CYB5R4: variants seen among roughly 807,000 people sequenced by gnomAD.
The protein encoded by CYB5R4 is cytochrome b5 reductase 4.
Under a neutral mutation model 70.2 loss-of-function variants are expected in CYB5R4, and 55 were observed. The observed-to-expected ratio is 0.78, with a 90% CI of 0.63 to 0.98. CYB5R4 has a LOEUF of 0.98. CYB5R4 is among the 50% of genes least tolerant of loss of function. CYB5R4 has a pLI of 0.00. For synonymous variants in CYB5R4, 197 were observed against 199.5 expected (o/e 0.99, Z 0.11); for missense variants, 562 against 612.6 (o/e 0.92, Z 0.87).
chr6:83,871,492 A>C (rs1186039703), intron 2 of CYB5R4, among the ~76,000 whole-genome samples: 1 of 151,268 alleles, frequency 6.6e-6, no homozygotes, highest in Non-Finnish European at 1.5e-5. Context: ...CTCTCTCTGT[A>C]CTTCTCTCCC....
In CYB5R4 at chr6:83,960,611, C is replaced by T. The variant is rs957517865; in HGVS notation, c.*733C>T. 2.6e-5 allele frequency: 4 copies of T among 152,102 alleles called. No individual in the cohort carries two copies. Among genetic ancestry groups the T allele is most frequent in the Admixed American group, 2.0e-4 (3 of 15,262 alleles). The allele number at this position is 152,102 out of a possible 1,614,324, so 9.4% of individuals were successfully genotyped here. A position where few individuals can be genotyped will look rare whatever the true frequency, so the allele number is the denominator to read the frequency against. Reference sequence around the variant, plus strand: ...TTTTACTCTTAGCCAAAAACAAAGACATTAGGAAAGAGAGTGAAAGTATAG... The same window carrying T: ...TTTTACTCTTAGCCAAAAACAAAGATATTAGGAAAGAGAGTGAAAGTATAG... On this transcript the variant is annotated 3_prime_UTR_variant, in exon 16 of 16. Transcript: ENST00000369681.
At chr6:83,893,951 T>A (rs115974021) in intron 3 of CYB5R4, among the ~76,000 whole-genome samples, 232 of 152,290 alleles carry the variant, frequency 1.5e-3, no homozygotes, top group African/African-American at 5.4e-3. Flanking sequence ...GAAGGAACAT[T>A]GGGATCCGCT....
chr6:83,903,272 TG>T (rs1179045538), intron 3 of CYB5R4, among the ~76,000 whole-genome samples: 1 of 152,106 alleles, frequency 6.6e-6, no homozygotes, highest in Non-Finnish European at 1.5e-5. Flanking sequence ...GTGACTGAGA[TG>T]ATCATACAGT....
intron 2 of CYB5R4, among the ~76,000 whole-genome samples, chr6:83,892,826 T>TTC (rs34898156): frequency 2.0e-5 from 3 of 151,416 alleles, no homozygotes; most frequent in African/African-American, 4.9e-5. Flanking sequence ...AGTAGTCACT[T>TTC]TCTCTCTCTC....
At chr6:83,906,650 T>C (rs2099463818) in intron 3 of CYB5R4, among the ~76,000 whole-genome samples, 1 of 152,214 alleles carries the variant, frequency 6.6e-6, no homozygotes, top group Admixed American at 6.5e-5. Context: ...TTTAGGTATC[T>C]CCTGTCACTT....
At chr6:83,941,984 T>C (rs1032057052) in intron 14 of CYB5R4, among the ~76,000 whole-genome samples, 1 of 152,204 alleles carries the variant, frequency 6.6e-6, no homozygotes, top group Non-Finnish European at 1.5e-5. Context: ...AATAATGCTG[T>C]CTTTTCTACT....
chr6:83,911,231 T>A (rs2099464630), intron 4 of CYB5R4, among the ~76,000 whole-genome samples: 1 of 151,808 alleles, frequency 6.6e-6, no homozygotes, highest in Non-Finnish European at 1.5e-5. Flanking sequence ...ATAGTGAAAC[T>A]CTGTCTCTAC....
intron 9 of CYB5R4, among the ~76,000 whole-genome samples, chr6:83,922,999 G>A (rs1562840248): frequency 6.6e-6 from 1 of 150,566 alleles, no homozygotes; most frequent in East Asian, 1.9e-4. Context: ...GCCCCGACTG[G>A]CCCCCCTTAT....
intron 14 of CYB5R4, among the ~76,000 whole-genome samples, chr6:83,947,925 G>A (rs2099470895): frequency 6.6e-6 from 1 of 152,152 alleles, no homozygotes; most frequent in African/African-American, 2.4e-5. Context: ...GTTGGCAGGA[G>A]TGCAAATTAG....
rs1265994745 is a variant in CYB5R4, at chr6:83,963,031, A to C, written c.*3153A>C. On this transcript the variant is annotated 3_prime_UTR_variant, in exon 16 of 16. Transcript: ENST00000369681. ...TGCTTTTAAGATCTCATGTGGTTAG[A>C]TTGGACCTATCCAGATATCCAGGGT... is the stretch of plus-strand genomic sequence containing the variant. 2 of 152,206 alleles carry C rather than the reference A, an allele frequency of 1.3e-5. No homozygotes were observed. The highest frequency in any genetic ancestry group is 2.9e-5 in the Non-Finnish European group (2 of 68,044). 9.4% of individuals were successfully genotyped at this position (152,206 alleles called of 1,614,324 possible).
intron 2 of CYB5R4, among the ~76,000 whole-genome samples, chr6:83,879,529 C>A (rs2099459121): frequency 6.6e-6 from 1 of 152,100 alleles, no homozygotes; most frequent in Non-Finnish European, 1.5e-5. Flanking sequence ...TGGCTTTTGC[C>A]TCCAGATAGG....
intron 10 of CYB5R4, among the ~76,000 whole-genome samples, chr6:83,924,906 A>T (rs1040016089): frequency 2.6e-5 from 4 of 152,182 alleles, no homozygotes; most frequent in African/African-American, 9.6e-5. Flanking sequence ...AAAGATACAA[A>T]AACAAGTTTA....
At chr6:83,872,552 G>A (rs960837487) in intron 2 of CYB5R4, among the ~76,000 whole-genome samples, 2 of 152,204 alleles carry the variant, frequency 1.3e-5, no homozygotes, top group Non-Finnish European at 2.9e-5. Flanking sequence ...CAGGGGCTCA[G>A]ACCAAGTCCC....
intron 8 of CYB5R4, 55 bp from the exon 9 acceptor site, chr6:83,922,383 C>G: frequency 6.7e-7 from 1 of 1,489,296 alleles, no homozygotes; most frequent in Admixed American, 1.8e-5. Context: ...ATATGGTGTT[C>G]AAAAACTGTA....
intron 12 of CYB5R4, among the ~76,000 whole-genome samples, chr6:83,938,232 TAA>T (rs1379355100): frequency 6.6e-6 from 1 of 152,184 alleles, no homozygotes; most frequent in Admixed American, 6.5e-5. Context: ...CGCATGATTG[TAA>T]TAAAGTAAGT....
At chr6:83,902,309 T>C (rs71568895) in intron 3 of CYB5R4, among the ~76,000 whole-genome samples, 6,757 of 152,252 alleles carry the variant, frequency 0.044, 157 homozygotes, top group African/African-American at 0.051. Flanking sequence ...TTGACGTCAT[T>C]GTTGAAAATC....
chr6:83,945,326 A>G (rs113179252), intron 14 of CYB5R4, among the ~76,000 whole-genome samples: 11,521 of 152,264 alleles, frequency 0.076, 584 homozygotes, highest in Non-Finnish European at 0.12. Context: ...TGACTACTGC[A>G]GAAATAACGA....
chr6:83,950,119 T>G (rs952172125), intron 14 of CYB5R4, among the ~76,000 whole-genome samples: 1 of 152,134 alleles, frequency 6.6e-6, no homozygotes, highest in South Asian at 2.1e-4. Flanking sequence ...AGATACTTCA[T>G]GAATAATTTT....
chr6:83,936,030 G>T (rs2099468870), intron 11 of CYB5R4, among the ~76,000 whole-genome samples, 194 bp from the exon 12 acceptor site: 1 of 151,950 alleles, frequency 6.6e-6, no homozygotes. Context: ...GTATTGATTT[G>T]TGAAAATTGT....
Sources: allele counts gnomAD v4.1 joint callset (sites outside exome capture counted in the v4.1 genomes callset), GRCh38; gene constraint gnomAD v4.1.1; transcripts MANE v1.5; gene names NCBI Gene and HGNC (gene_info 2026-07-23, HGNC 2026-07-21).